VTI1A: variants seen among roughly 807,000 people sequenced by gnomAD.
VTI1A encodes vesicle transport through interaction with t-SNAREs 1A.
In VTI1A, 22 loss-of-function variants were observed where a neutral mutation model predicts 34.9. That is an observed-to-expected ratio of 0.63 (90% CI 0.45 to 0.90). The LOEUF is 0.90. VTI1A is among the 40% of genes least tolerant of loss of function. The pLI is 0.00. For synonymous variants in VTI1A, 87 were observed against 97.3 expected, an observed-to-expected ratio of 0.89 and a Z score of 0.62; for missense variants, 268 against 275.6, an observed-to-expected ratio of 0.97 and a Z score of 0.20.
At chr10:112,577,879 C>T (rs1038625166) in intron 5 of VTI1A, among the ~76,000 whole-genome samples, 1 of 152,188 alleles carries the variant, frequency 6.6e-6, no homozygotes, top group African/African-American at 2.4e-5. Context: ...ACCATCAGAC[C>T]ACCAAATCCG....
chr10:112,476,612 T>G (rs1451934686), intron 3 of VTI1A, among the ~76,000 whole-genome samples: 4 of 152,146 alleles, frequency 2.6e-5, no homozygotes, highest in Non-Finnish European at 5.9e-5. Context: ...ATTGTCCTCT[T>G]AAGGCTTACT....
chr10:112,720,064 T>C (rs1048870920), intron 7 of VTI1A, among the ~76,000 whole-genome samples: 2 of 152,246 alleles, frequency 1.3e-5, no homozygotes, highest in African/African-American at 4.8e-5. Flanking sequence ...TATTGACAAA[T>C]AATATTCCAT....
the VTI1A span, among the ~76,000 whole-genome samples, chr10:112,842,032 CTTTTCTTTTTTTTTTTTCCTTTTTTTTTT>C: frequency 2.8e-4 from 10 of 35,894 alleles, no homozygotes; most frequent in East Asian, 7.6e-3. Context: ...ACAAGGAGTT[CTTTTCTTTTTTTTTTTTCCTTTTTTTTTT>C]TTTTTTTTTT....
intron 3 of VTI1A, among the ~76,000 whole-genome samples, chr10:112,468,392 T>A (rs1240517127): frequency 6.6e-6 from 1 of 152,204 alleles, no homozygotes; most frequent in African/African-American, 2.4e-5. Flanking sequence ...TTAAAGATAT[T>A]TGATAACTTT....
intron 3 of VTI1A, among the ~76,000 whole-genome samples, chr10:112,465,930 A>AT (rs1476681495): frequency 2.0e-5 from 3 of 152,244 alleles, no homozygotes; most frequent in Admixed American, 1.3e-4. Context: ...AACCCTGCTA[A>AT]TGATAAAAGA....
rs1491352025 is a variant in VTI1A at position 112,818,466 on chromosome 10, CAT to C, written c.*3084_*3085del. 1.3e-5 allele frequency: 3 copies of C among 229,562 alleles called. No homozygotes were observed. Among genetic ancestry groups the C allele is most frequent in the African/African-American group, 4.4e-5 (2 of 44,978 alleles). 14.2% of individuals were successfully genotyped at this position (229,562 alleles called of 1,614,324 possible). A position where few individuals can be genotyped will look rare whatever the true frequency, so the allele number is the denominator to read the frequency against. ...CCTCTCTTTCTCCTTTTTTTTTGCA[CAT>C]CTTTTCTTTAAAACTGTCAGATCAT... On this transcript the variant is annotated 3_prime_UTR_variant, in exon 8 of 8. Transcript: ENST00000393077.
At chr10:112,673,944 T>C (rs1385695041) in intron 7 of VTI1A, among the ~76,000 whole-genome samples, 1 of 152,198 alleles carries the variant, frequency 6.6e-6, no homozygotes, top group Non-Finnish European at 1.5e-5. Flanking sequence ...AAACTCATTC[T>C]TTTTTCTCCT....
intron 7 of VTI1A, among the ~76,000 whole-genome samples, chr10:112,714,183 C>T (rs1849526631): frequency 6.6e-6 from 1 of 152,130 alleles, no homozygotes; most frequent in Admixed American, 6.6e-5. Flanking sequence ...TGGGGCACAA[C>T]TGAGTTTTAT....
chr10:112,691,734 A>G (rs1440712936), intron 7 of VTI1A, among the ~76,000 whole-genome samples: 2 of 152,198 alleles, frequency 1.3e-5, no homozygotes, highest in Admixed American at 6.5e-5. Context: ...ATTGACAGCA[A>G]CTTGCATGGA....
rs768159688 is a variant in VTI1A, at chr10:112,656,521, A to ATTTTT, written c.428-11678_428-11674dup. 3.2e-3 allele frequency among the ~76,000 whole-genome samples: 331 copies of ATTTTT among 103,164 alleles called. 10 individuals carry two copies. Among genetic ancestry groups the ATTTTT allele is most frequent in the Admixed American group, 6.3e-3 (49 of 7,762 alleles). 67.7% of individuals were successfully genotyped at this position (103,164 alleles called of 152,430 possible). On this transcript the variant is annotated intron_variant, in intron 5 of 7. Coordinates refer to ENST00000393077, the MANE Select transcript of VTI1A (RefSeq NM_145206.4). ...TACAGGAGCATACCACACCCAGATA[A>ATTTTT]TTTTTTTTTTTTTTTTTTTTTTTGA...
intron 3 of VTI1A, among the ~76,000 whole-genome samples, chr10:112,467,567 A>G (rs1847939242): frequency 6.6e-6 from 1 of 152,244 alleles, no homozygotes; most frequent in Non-Finnish European, 1.5e-5. Context: ...CCTGCTGGCC[A>G]TGGGTTGGAC....
intron 7 of VTI1A, among the ~76,000 whole-genome samples, chr10:112,775,607 A>G (rs1438292887): frequency 6.6e-6 from 1 of 152,236 alleles, no homozygotes; most frequent in African/African-American, 2.4e-5. Flanking sequence ...AACAAATGTT[A>G]ATGATCAACA....
chr10:112,736,986 T>A, intron 7 of VTI1A: 1 of 579,234 alleles, frequency 1.7e-6, no homozygotes, highest in Non-Finnish European at 3.1e-6. Context: ...ATTTATCTGG[T>A]CCCTTCCCAT....
At chr10:112,535,500 C>T (rs1441865307) in intron 4 of VTI1A, among the ~76,000 whole-genome samples, 2 of 152,180 alleles carry the variant, frequency 1.3e-5, no homozygotes, top group Non-Finnish European at 2.9e-5. Flanking sequence ...TGCCCCTTCT[C>T]TTCCTTGTGT....
intron 3 of VTI1A, among the ~76,000 whole-genome samples, chr10:112,511,159 C>T (rs1306334109): frequency 6.6e-6 from 1 of 152,032 alleles, no homozygotes; most frequent in Non-Finnish European, 1.5e-5. Flanking sequence ...CATACACTCT[C>T]TACCGGGGTT....
At chr10:112,510,407 G>A (rs1849566435) in intron 3 of VTI1A, among the ~76,000 whole-genome samples, 1 of 152,086 alleles carries the variant, frequency 6.6e-6, no homozygotes. Context: ...GGCTGAGATG[G>A]GGGATTGCTT....
chr10:112,742,146 A>G (rs934886550), intron 7 of VTI1A, among the ~76,000 whole-genome samples: 1 of 152,228 alleles, frequency 6.6e-6, no homozygotes, highest in Non-Finnish European at 1.5e-5. Flanking sequence ...TTAATAGGCT[A>G]ATGTGGTGAC....
chr10:112,447,029 T>C, upstream of VTI1A: 1 of 285,704 alleles, frequency 3.5e-6, no homozygotes, highest in Non-Finnish European at 6.9e-6. Context: ...CCGGAGCCGA[T>C]TCCCAGAACA....
At chr10:112,673,728 A>G (rs866208074) in intron 7 of VTI1A, among the ~76,000 whole-genome samples, 7 of 152,212 alleles carry the variant, frequency 4.6e-5, no homozygotes, top group South Asian at 2.1e-4. Flanking sequence ...TATCATTGCT[A>G]TCATATTTTA....
Sources: gnomAD v4.1 joint callset for allele counts (sites outside exome capture counted in the v4.1 genomes callset) on GRCh38, gnomAD v4.1.1 for gene constraint, MANE v1.5 for transcripts, NCBI Gene and HGNC (gene_info 2026-07-23, HGNC 2026-07-21) for gene names.